PIEZO2: variants seen among roughly 807,000 people sequenced by gnomAD.
PIEZO2 encodes the protein piezo-type mechanosensitive ion channel component 2.
Under a neutral mutation model 337.3 loss-of-function variants are expected in PIEZO2, and 172 were observed. That is an observed-to-expected ratio of 0.51 (90% confidence interval 0.45 to 0.58). PIEZO2 has a LOEUF of 0.58. Ranked by LOEUF, PIEZO2 falls within the 20% of genes least tolerant of loss-of-function variation. The probability of loss-of-function intolerance (pLI) is 0.00; values close to 1 mark genes in which losing one functional copy is unlikely to be tolerated. For synonymous variants in PIEZO2, 1,251 were observed against 1,228.5 expected (o/e 1.02, Z -0.38); for missense variants, 3,028 against 3,391.3 (o/e 0.89, Z 2.66).
In PIEZO2 at chr18:11,092,097, G is replaced by A. The variant is rs951461247; in HGVS notation, c.65-25875C>T. Among the ~76,000 whole-genome samples, 2 of 152,152 alleles carry A rather than the reference G, an allele frequency of 1.3e-5. No individual in the cohort carries two copies. The highest frequency in any genetic ancestry group is 2.9e-5 in the Non-Finnish European group (2 of 68,030). ...TTTCACTCAGAGAGGTGGCTAAAAG[G>A]GTATTTTTTGAAAGGTTGTCTGCTA... is the stretch of plus-strand genomic sequence containing the variant. On this transcript the variant is annotated intron_variant, in intron 1 of 55. Coordinates refer to ENST00000674853, the MANE Select transcript of PIEZO2 (RefSeq NM_001378183.1). The surrounding 1 kb of genome is among the most constrained non-coding windows in gnomAD (Gnocchi z 4.5).
At chr18:10,860,127 C>G (rs998289598) in intron 5 of PIEZO2, among the ~76,000 whole-genome samples, 1 of 152,096 alleles carries the variant, frequency 6.6e-6, no homozygotes, top group African/African-American at 2.4e-5. Context: ...CAGTAGGCAG[C>G]TATTATAGGA....
rs912642635 is a variant in PIEZO2, at chr18:10,894,650, C to G, written c.329+16536G>C. ...GGAAGAAGAATCAGGAAAGAAGGGG[C>G]GCAAGACTCCGGACGTATGCCAACG... On this transcript the variant is annotated intron_variant, in intron 4 of 55. Transcript: ENST00000674853. This position sits in a 1 kb window ranked among gnomAD's most constrained non-coding sequence, Gnocchi z 4.1. The G allele has an allele frequency of 2.0e-5, 3 of 152,234 alleles. No homozygotes were observed. The East Asian group carries it at 5.8e-4, about 29-fold the overall frequency. 9.4% of individuals were successfully genotyped at this position (152,234 alleles called of 1,614,324 possible). A position where few individuals can be genotyped will look rare whatever the true frequency, so the allele number is the denominator to read the frequency against.
At position 11,148,464 on chromosome 18, in the gene PIEZO2, C is replaced by G; in HGVS notation, c.64+61G>C. 1 of 1,511,794 alleles carries G rather than the reference C, an allele frequency of 6.6e-7. No homozygotes were observed. Among genetic ancestry groups the G allele is most frequent in the Admixed American group, 2.0e-5 (1 of 50,920 alleles). The allele number at this position is 1,511,794 out of a possible 1,614,324, so 93.6% of individuals were successfully genotyped here. On this transcript the variant is annotated intron_variant, in intron 1 of 55. Coordinates refer to ENST00000674853, the MANE Select transcript of PIEZO2 (RefSeq NM_001378183.1). The surrounding 1 kb of genome is among the most constrained non-coding windows in gnomAD (Gnocchi z 5.2). Reference sequence around the variant, plus strand: ...AGAGCCCTTCACTTTGTTAAGAAGTCCCCCACCCAGGCGCCCCCCTCGTCC... The same window carrying G: ...AGAGCCCTTCACTTTGTTAAGAAGTGCCCCACCCAGGCGCCCCCCTCGTCC...
chr18:10,689,507 T>C, intron 49 of PIEZO2, 148 bp downstream of exon 49: 1 of 1,019,172 alleles, frequency 9.8e-7, no homozygotes. Context: ...TTCCCAACTC[T>C]AGTGGGTTGG....
rs1364288188 is a variant in PIEZO2, at chr18:11,111,667, T to C, written c.64+36858A>G. Among the ~76,000 whole-genome samples the C allele has an allele frequency of 6.6e-6, 1 of 152,114 alleles. No homozygotes were observed. The highest frequency in any genetic ancestry group is 1.5e-5 in the Non-Finnish European group (1 of 68,026). On this transcript the variant is annotated intron_variant, in intron 1 of 55. Coordinates refer to ENST00000674853, the MANE Select transcript of PIEZO2 (RefSeq NM_001378183.1). The surrounding 1 kb of genome is among the most constrained non-coding windows in gnomAD (Gnocchi z 6.2). ...TCCTCTCTCCTGTGCTCACATGACA[T>C]CCAATCCCCACTTAATTGAAGTCGA...
At position 10,746,811 on chromosome 18, in the gene PIEZO2, C is replaced by A. The variant is rs1428017106; in HGVS notation, c.4424+1660G>T. Among the ~76,000 whole-genome samples, 1 of 152,192 alleles carries A rather than the reference C, an allele frequency of 6.6e-6. No individual in the cohort carries two copies. Among genetic ancestry groups the A allele is most frequent in the Admixed American group, 6.5e-5 (1 of 15,278 alleles). ...CGGCCGACACTGAATCTGCTCGAACCTTGATGTTGGACTTTCCAGCCTGTG... is the reference window on the plus strand; with the variant it reads ...CGGCCGACACTGAATCTGCTCGAACATTGATGTTGGACTTTCCAGCCTGTG... On this transcript the variant is annotated intron_variant, in intron 30 of 55. Coordinates refer to ENST00000674853, the MANE Select transcript of PIEZO2 (RefSeq NM_001378183.1). This position sits in a 1 kb window ranked among gnomAD's most constrained non-coding sequence, Gnocchi z 4.2.
In PIEZO2 at chr18:10,742,640, A is replaced by G; in HGVS notation, c.4515-25T>C. ...CCTATAAAGTAAAATAACATTAGTA[A>G]TGCCAAGAACATATTCATTGTTCTC... is the stretch of plus-strand genomic sequence containing the variant. On this transcript the variant is annotated intron_variant, in intron 31 of 55. Coordinates refer to ENST00000674853, the MANE Select transcript of PIEZO2 (RefSeq NM_001378183.1). 3 of 1,536,354 alleles carry G rather than the reference A, an allele frequency of 2.0e-6. No individual in the cohort carries two copies. In the South Asian group the frequency reaches 3.6e-5, roughly 18 times the overall value.
Position 10,775,517 on chromosome 18 carries a change from C to A in PIEZO2, c.2535-1479G>T, listed in dbSNP as rs983827251. ...TGAATCTTAAAGGTCTACATTGACACTGCTGCAATCTCATACGACAAGAAA... is the reference window on the plus strand; with the variant it reads ...TGAATCTTAAAGGTCTACATTGACAATGCTGCAATCTCATACGACAAGAAA... On this transcript the variant is annotated intron_variant, in intron 18 of 55. Coordinates refer to ENST00000674853, the MANE Select transcript of PIEZO2 (RefSeq NM_001378183.1). The surrounding 1 kb of genome is among the most constrained non-coding windows in gnomAD (Gnocchi z 4.3). 1.3e-5 allele frequency among the ~76,000 whole-genome samples: 2 copies of A among 152,186 alleles called. No individual in the cohort carries two copies. Among genetic ancestry groups the A allele is most frequent in the Non-Finnish European group, 2.9e-5 (2 of 68,046 alleles).
chr18:11,030,500 A>G (rs1369927239), intron 2 of PIEZO2, among the ~76,000 whole-genome samples: 2 of 152,230 alleles, frequency 1.3e-5, no homozygotes, highest in Non-Finnish European at 2.9e-5. Flanking sequence ...AAGGTCAGAC[A>G]ACCTTGTAGT....
Position 10,800,324 on chromosome 18 carries a change from G to A in PIEZO2, c.1378+13C>T. On this transcript the variant is annotated intron_variant, in intron 11 of 55. Coordinates refer to ENST00000674853, the MANE Select transcript of PIEZO2 (RefSeq NM_001378183.1). ...GGAAGAAATGCGACCCTGAGTGCAG[G>A]GCTGGCTCCTACCTGAGGATTCATC... is the stretch of plus-strand genomic sequence containing the variant. 6.5e-7 allele frequency: 1 copy of A among 1,532,306 alleles called. No individual in the cohort carries two copies. The highest frequency in any genetic ancestry group is 8.7e-7 in the Non-Finnish European group (1 of 1,144,808). The allele number at this position is 1,532,306 out of a possible 1,614,324, so 94.9% of individuals were successfully genotyped here.
chr18:11,046,139 C>T (rs2037306132), intron 2 of PIEZO2, among the ~76,000 whole-genome samples: 1 of 152,212 alleles, frequency 6.6e-6, no homozygotes, highest in Non-Finnish European at 1.5e-5. Flanking sequence ...AAGCCCAGCC[C>T]ATCCCAGCTT....
Position 11,078,974 on chromosome 18 carries a change from A to G in PIEZO2, c.65-12752T>C, listed in dbSNP as rs1251885459. On this transcript the variant is annotated intron_variant, in intron 1 of 55. Transcript: ENST00000674853. The surrounding 1 kb of genome is among the most constrained non-coding windows in gnomAD (Gnocchi z 5.3). ...TTTTCAGTCTACACCACAGCGTCAT[A>G]CCTTAGAAAGTTACGGTAGTTAAAA... Among the ~76,000 whole-genome samples, 4 of 152,308 alleles carry G rather than the reference A, an allele frequency of 2.6e-5. No homozygotes were observed. Among genetic ancestry groups the G allele is most frequent in the African/African-American group, 7.2e-5 (3 of 41,558 alleles).
chr18:10,719,158 G>A (rs1294542767), intron 36 of PIEZO2, among the ~76,000 whole-genome samples: 1 of 152,092 alleles, frequency 6.6e-6, no homozygotes, highest in Non-Finnish European at 1.5e-5. Flanking sequence ...AAGATAACCA[G>A]TTAAATTTGA....
At chr18:10,922,919 A>G (rs373170706) in intron 3 of PIEZO2, among the ~76,000 whole-genome samples, 1 of 152,178 alleles carries the variant, frequency 6.6e-6, no homozygotes, top group Non-Finnish European at 1.5e-5. Flanking sequence ...GTTCTTCATT[A>G]TGAAGAATAG....
chr18:11,073,824 G>C (rs941173279), intron 1 of PIEZO2, among the ~76,000 whole-genome samples: 17 of 150,462 alleles, frequency 1.1e-4, no homozygotes, highest in African/African-American at 3.9e-4. Flanking sequence ...AGCTAGAAAC[G>C]ACTTAGAAGA....
chr18:10,879,609 A>T (rs1466483685), intron 4 of PIEZO2, among the ~76,000 whole-genome samples: 1 of 151,986 alleles, frequency 6.6e-6, no homozygotes, highest in Non-Finnish European at 1.5e-5. Context: ...ATTAGCCAGG[A>T]TGGTCTCGAT....
intron 7 of PIEZO2, among the ~76,000 whole-genome samples, chr18:10,818,795 C>T (rs895136066): frequency 7.9e-5 from 12 of 152,134 alleles, no homozygotes; most frequent in East Asian, 1.9e-4. Context: ...TTTCGCTTCA[C>T]GTCAATGCAT....
rs757968599 is a variant in PIEZO2 at position 10,752,618 on chromosome 18, G to A, written c.4167+18C>T. Reference sequence around the variant, plus strand: ...TACACGAAAACCGCAAATGTGTTATGCAGTGGCAACCACTTACTGACAGGA... The same window carrying A: ...TACACGAAAACCGCAAATGTGTTATACAGTGGCAACCACTTACTGACAGGA... On this transcript the variant is annotated intron_variant, in intron 28 of 55. Transcript: ENST00000674853. 1.3e-6 allele frequency: 2 copies of A among 1,536,196 alleles called. No homozygotes were observed. The highest frequency in any genetic ancestry group is 1.2e-5 in the South Asian group (1 of 83,982).
chr18:10,685,187 A>G (rs1158625147), intron 49 of PIEZO2, among the ~76,000 whole-genome samples: 1 of 152,232 alleles, frequency 6.6e-6, no homozygotes, highest in East Asian at 1.9e-4. Context: ...TCAATGTGGA[A>G]TCACACCCAG....
Sources: gnomAD v4.1 joint callset for allele counts (sites outside exome capture counted in the v4.1 genomes callset) on GRCh38, gnomAD v4.1.1 for gene constraint, Gnocchi (gnomAD v3.1) non-coding constraint, MANE v1.5 for transcripts, NCBI Gene and HGNC (gene_info 2026-07-23, HGNC 2026-07-21) for gene names.